Variants in PPP3CC observed in about 807,000 individuals in gnomAD.
PPP3CC encodes protein phosphatase 3 catalytic subunit gamma.
PPP3CC carries 35 observed loss-of-function variants against 60.3 expected under a neutral mutation model. That is an observed-to-expected ratio of 0.58 (90% CI 0.44 to 0.77). The LOEUF is 0.77. Among genes scored for constraint, PPP3CC ranks in the 30% least tolerant of loss-of-function variants. The pLI, the probability that PPP3CC is intolerant of heterozygous loss-of-function variation, is 0.00. For missense variants in PPP3CC, 570 were observed against 628.9 expected, an observed-to-expected ratio of 0.91 and a Z score of 1.00; for synonymous variants, 206 against 224.3, an observed-to-expected ratio of 0.92 and a Z score of 0.73.
intron 8 of PPP3CC, chr8:22,523,585 A>G (rs544848219): frequency 4.2e-5 from 18 of 431,228 alleles, no homozygotes; most frequent in South Asian, 2.8e-4. Context: ...ACCTATTCCA[A>G]CAATGCTGTC....
intron 3 of PPP3CC, among the ~76,000 whole-genome samples, chr8:22,477,240 G>T (rs1029608761): frequency 1.3e-5 from 2 of 152,158 alleles, no homozygotes; most frequent in Non-Finnish European, 2.9e-5. Flanking sequence ...ACTTTGGGAG[G>T]CCGAGGTGGG....
chr8:22,531,233 A>T (rs1387669719), intron 10 of PPP3CC: 2 of 1,409,406 alleles, frequency 1.4e-6, no homozygotes, highest in African/African-American at 2.9e-5. Flanking sequence ...TTTTCCATGT[A>T]AACATAAATT....
intron 1 of PPP3CC, among the ~76,000 whole-genome samples, chr8:22,450,941 T>G (rs1837000976): frequency 6.7e-6 from 1 of 149,780 alleles, no homozygotes; most frequent in African/African-American, 2.5e-5. Flanking sequence ...TTCACGCCAT[T>G]CTCCTGCCTC....
At chr8:22,534,582 C>A (rs1839803795) in intron 12 of PPP3CC, among the ~76,000 whole-genome samples, 1 of 152,186 alleles carries the variant, frequency 6.6e-6, no homozygotes. Flanking sequence ...CCAGCAGTTC[C>A]ACACCTGGTG....
chr8:22,537,976 A>G (rs1043293490), intron 12 of PPP3CC, among the ~76,000 whole-genome samples: 6 of 152,212 alleles, frequency 3.9e-5, no homozygotes, highest in African/African-American at 9.6e-5. Flanking sequence ...CTAAGCACAG[A>G]TTGTGGTGAT....
At chr8:22,452,334 C>T (rs1012095698) in intron 1 of PPP3CC, among the ~76,000 whole-genome samples, 3 of 152,254 alleles carry the variant, frequency 2.0e-5, no homozygotes, top group Non-Finnish European at 4.4e-5. Context: ...GTGCCTGGCC[C>T]TGCGTAGAAT....
intron 3 of PPP3CC, among the ~76,000 whole-genome samples, chr8:22,478,632 CCTCA>C (rs1837970802): frequency 6.6e-6 from 1 of 152,038 alleles, no homozygotes; most frequent in South Asian, 2.1e-4. Context: ...GCATTTTTTT[CCTCA>C]CTCATCAATA....
At chr8:22,446,974 T>A (rs1836843951) in intron 1 of PPP3CC, among the ~76,000 whole-genome samples, 1 of 151,958 alleles carries the variant, frequency 6.6e-6, no homozygotes, top group Admixed American at 6.6e-5. Flanking sequence ...TTACCATCCT[T>A]TGGTGCAATC....
chr8:22,501,704 C>A lies in PPP3CC; in HGVS notation c.484+3592C>A, dbSNP rs188650401. ...TCAGCTAGCTGGAAAAAAACCCTCA[C>A]TCAGTTTTTAAAAGGCTCACCTTAG... On this transcript the variant is annotated intron_variant, in intron 4 of 13. Transcript: ENST00000240139. 3.9e-5 allele frequency among the ~76,000 whole-genome samples: 6 copies of A among 152,270 alleles called. No homozygotes were observed. The East Asian group carries it at 1.2e-3, about 29-fold the overall frequency.
At chr8:22,462,979 C>A (rs547381353) in intron 1 of PPP3CC, among the ~76,000 whole-genome samples, 21 of 152,252 alleles carry the variant, frequency 1.4e-4, no homozygotes, top group Admixed American at 5.2e-4. Flanking sequence ...TTTGGGCAAC[C>A]AAATATATTT....
chr8:22,519,366 A>C (rs1839342164), intron 6 of PPP3CC, among the ~76,000 whole-genome samples: 1 of 152,212 alleles, frequency 6.6e-6, no homozygotes, highest in Admixed American at 6.5e-5. Flanking sequence ...GAGTTAAAGT[A>C]ATGATTGATA....
intron 8 of PPP3CC, among the ~76,000 whole-genome samples, chr8:22,523,475 T>C (rs958065925): frequency 1.8e-4 from 28 of 152,318 alleles, no homozygotes; most frequent in African/African-American, 6.5e-4. Flanking sequence ...GTTTATAAAG[T>C]ATGACTATAA....
intron 4 of PPP3CC, among the ~76,000 whole-genome samples, chr8:22,500,844 A>G (rs1387455970): frequency 5.3e-5 from 8 of 152,276 alleles, no homozygotes; most frequent in Admixed American, 3.3e-4. Context: ...TTTTAAATCT[A>G]CTGTTGGTGG....
intron 1 of PPP3CC, among the ~76,000 whole-genome samples, chr8:22,460,367 G>A (rs1837330485): frequency 6.6e-6 from 1 of 152,066 alleles, no homozygotes; most frequent in African/African-American, 2.4e-5. Flanking sequence ...GTGTGTGAGT[G>A]TGTGTTTTGA....
chr8:22,527,619 T>G (rs1839593329), intron 9 of PPP3CC, 102 bp downstream of exon 9: 2 of 1,421,354 alleles, frequency 1.4e-6, no homozygotes, highest in Non-Finnish European at 1.9e-6. Context: ...TCTAATTTTG[T>G]TTGTTCTCTA....
intron 10 of PPP3CC, among the ~76,000 whole-genome samples, chr8:22,531,865 C>G (rs572423239): frequency 6.6e-6 from 1 of 152,324 alleles, no homozygotes; most frequent in Non-Finnish European, 1.5e-5. Flanking sequence ...ACAGCATTAT[C>G]AAAAGACATC....
intron 3 of PPP3CC, among the ~76,000 whole-genome samples, chr8:22,479,641 G>C (rs1039140952): frequency 6.6e-6 from 1 of 151,824 alleles, no homozygotes; most frequent in Non-Finnish European, 1.5e-5. Context: ...CTACTTGGGA[G>C]GCTGAGGCGG....
At chr8:22,516,502 A>G (rs550878929) in intron 6 of PPP3CC, among the ~76,000 whole-genome samples, 3 of 152,328 alleles carry the variant, frequency 2.0e-5, no homozygotes, top group South Asian at 4.1e-4. Flanking sequence ...TGTGGATTTC[A>G]TATTTGTGAA....
At chr8:22,470,081 C>CACACAT (rs1245796878) in intron 1 of PPP3CC, among the ~76,000 whole-genome samples, 2 of 150,294 alleles carry the variant, frequency 1.3e-5, no homozygotes, top group Non-Finnish European at 2.9e-5. Flanking sequence ...CACACACACA[C>CACACAT]ACACATACAT....
Sources: allele counts gnomAD v4.1 joint callset (sites outside exome capture counted in the v4.1 genomes callset), GRCh38; gene constraint gnomAD v4.1.1; transcripts MANE v1.5; gene names NCBI Gene and HGNC (gene_info 2026-07-23, HGNC 2026-07-21).